SLIT3: variants seen among roughly 807,000 people sequenced by gnomAD.
SLIT3 encodes slit guidance ligand 3.
Under a neutral mutation model 184.0 loss-of-function variants are expected in SLIT3, and 68 were observed. The observed-to-expected ratio is 0.37, with a 90% CI of 0.30 to 0.45. The LOEUF (loss-of-function observed/expected upper bound fraction) is 0.45. Ranked by LOEUF, SLIT3 falls within the 20% of genes least tolerant of loss-of-function variation. SLIT3 has a pLI of 1.00. For missense variants in SLIT3, 1,707 were observed against 2,026.0 expected (o/e 0.84, Z 3.02); for synonymous variants, 831 against 828.6 (o/e 1.00, Z -0.05).
chr5:169,242,268 G>A (rs1464733280), intron 3 of SLIT3, among the ~76,000 whole-genome samples: 1 of 152,148 alleles, frequency 6.6e-6, no homozygotes, highest in East Asian at 1.9e-4. Context: ...TATGAACCCA[G>A]CTGCCTGTGT....
At chr5:169,055,884 T>C (rs1302385633) in intron 4 of SLIT3, among the ~76,000 whole-genome samples, 1 of 151,218 alleles carries the variant, frequency 6.6e-6, no homozygotes, top group Non-Finnish European at 1.5e-5. Context: ...AAGTAGACAG[T>C]GTTCAAAACA....
chr5:168,800,658 T>C (rs778432600), intron 9 of SLIT3, among the ~76,000 whole-genome samples: 19 of 152,122 alleles, frequency 1.2e-4, no homozygotes, highest in Non-Finnish European at 1.5e-4. Flanking sequence ...GTTTGATCCA[T>C]AGAGAAGATG....
intron 14 of SLIT3, among the ~76,000 whole-genome samples, chr5:168,771,824 C>T (rs531168388): frequency 4.6e-5 from 7 of 152,302 alleles, no homozygotes; most frequent in Admixed American, 2.0e-4. Flanking sequence ...CCTCTCCCCA[C>T]GCTGGCATTC....
chr5:169,271,643 C>T (rs528572570), intron 1 of SLIT3, among the ~76,000 whole-genome samples: 4 of 152,176 alleles, frequency 2.6e-5, no homozygotes, highest in South Asian at 2.1e-4. Context: ...AAAACAACTG[C>T]GGGAGTATCC....
At chr5:168,917,819 C>T (rs1761492889) in intron 4 of SLIT3, among the ~76,000 whole-genome samples, 1 of 152,174 alleles carries the variant, frequency 6.6e-6, no homozygotes, top group South Asian at 2.1e-4. Context: ...TTTCCCCAGG[C>T]TGAAAGGGTT....
At chr5:168,766,223 C>G (rs549069792) in intron 14 of SLIT3, among the ~76,000 whole-genome samples, 2 of 152,288 alleles carry the variant, frequency 1.3e-5, no homozygotes, top group Admixed American at 1.3e-4. Flanking sequence ...GACTTGCTAA[C>G]TCATGTTTCC....
At chr5:168,896,046 G>T (rs140719737) in intron 4 of SLIT3, among the ~76,000 whole-genome samples, 102 of 152,336 alleles carry the variant, frequency 6.7e-4, no homozygotes, top group African/African-American at 2.2e-3. Flanking sequence ...AGGCAGGGGG[G>T]AAACTTCTAA....
rs79875696 is a variant in SLIT3 at position 168,724,111 on chromosome 5, C to T, written c.2339+305G>A. On this transcript the variant is annotated intron_variant, in intron 21 of 35. Coordinates refer to ENST00000519560, the MANE Select transcript of SLIT3 (RefSeq NM_003062.4). ...TAATTAACCCCAATGTCCATAGTTC[C>T]GAAGTTGAGAAATCCTTATCTAGAG... Among the ~76,000 whole-genome samples the T allele has an allele frequency of 4.3e-3, 657 of 152,254 alleles. 4 individuals carry two copies. The highest frequency in any genetic ancestry group is 0.015 in the African/African-American group (615 of 41,548).
At chr5:168,795,181 T>C (rs1418105181) in intron 10 of SLIT3, among the ~76,000 whole-genome samples, 2 of 152,176 alleles carry the variant, frequency 1.3e-5, no homozygotes, top group Non-Finnish European at 2.9e-5. Context: ...CTATTTTAGG[T>C]CCACATCACT....
chr5:168,764,737 G>A (rs1301087962), intron 14 of SLIT3, among the ~76,000 whole-genome samples: 9 of 151,910 alleles, frequency 5.9e-5, no homozygotes, highest in East Asian at 1.9e-4. Context: ...CTCCATTTCC[G>A]CTCCTCCATC....
chr5:168,957,286 G>T (rs550446538), intron 4 of SLIT3, among the ~76,000 whole-genome samples: 2 of 150,956 alleles, frequency 1.3e-5, no homozygotes, highest in Admixed American at 1.3e-4. Context: ...GGGTGGTCTT[G>T]AACTCCTGAC....
intron 1 of SLIT3, among the ~76,000 whole-genome samples, chr5:169,280,022 G>C (rs1306163143): frequency 6.6e-6 from 1 of 152,252 alleles, no homozygotes; most frequent in Non-Finnish European, 1.5e-5. Flanking sequence ...TGAGAAGCCT[G>C]AGACTCGGAG....
chr5:168,767,597 G>T (rs1400118226), intron 14 of SLIT3, among the ~76,000 whole-genome samples: 1 of 152,210 alleles, frequency 6.6e-6, no homozygotes, highest in Admixed American at 6.5e-5. Context: ...CATAAAGTAT[G>T]GGAATGAGGT....
intron 18 of SLIT3, 34 bp downstream of exon 18, chr5:168,752,921 A>C: frequency 6.2e-7 from 1 of 1,608,130 alleles, no homozygotes; most frequent in Non-Finnish European, 8.5e-7. Context: ...GTGGGATCCC[A>C]GAGTCCGTGG....
intron 5 of SLIT3, among the ~76,000 whole-genome samples, chr5:168,864,614 A>G (rs1759234348): frequency 6.6e-6 from 1 of 152,202 alleles, no homozygotes; most frequent in African/African-American, 2.4e-5. Flanking sequence ...TCAGTGTGAA[A>G]GATGGCCCAG....
chr5:168,864,318 T>C (rs1301500695), intron 5 of SLIT3, among the ~76,000 whole-genome samples: 1 of 152,220 alleles, frequency 6.6e-6, no homozygotes, highest in Non-Finnish European at 1.5e-5. Flanking sequence ...TGTTTCATAT[T>C]ATATATAAAG....
intron 34 of SLIT3, among the ~76,000 whole-genome samples, chr5:168,670,917 A>C (rs1761218979): frequency 6.6e-6 from 1 of 152,082 alleles, no homozygotes; most frequent in African/African-American, 2.4e-5. Context: ...CCACAGAGAC[A>C]GTGGGGGCTC....
chr5:169,264,669 A>G (rs576436536), intron 1 of SLIT3, among the ~76,000 whole-genome samples: 1 of 152,322 alleles, frequency 6.6e-6, no homozygotes, highest in Admixed American at 6.5e-5. Flanking sequence ...CAGGTCAAGG[A>G]GAGCAGTGTT....
intron 4 of SLIT3, among the ~76,000 whole-genome samples, chr5:169,065,558 C>T (rs763899807): frequency 6.6e-5 from 10 of 152,212 alleles, no homozygotes; most frequent in Non-Finnish European, 1.5e-4. Flanking sequence ...AGACAGTCCT[C>T]TTTTAAACTT....
Sources: allele counts gnomAD v4.1 joint callset (sites outside exome capture counted in the v4.1 genomes callset), GRCh38; gene constraint gnomAD v4.1.1; transcripts MANE v1.5; gene names NCBI Gene and HGNC (gene_info 2026-07-23, HGNC 2026-07-21).